Variants in OR2L13 observed in about 807,000 individuals in gnomAD.
The protein encoded by OR2L13 is olfactory receptor 2L13.
A neutral mutation model predicts 15.3 loss-of-function variants in OR2L13; 14 were observed. The observed-to-expected ratio is 0.91, with a 90% confidence interval of 0.60 to 1.43. The LOEUF (loss-of-function observed/expected upper bound fraction) is 1.43. Ranked by LOEUF, OR2L13 falls within the 40% of genes most tolerant of loss-of-function variation. The pLI is 0.00. For missense variants in OR2L13, 367 were observed against 387.9 expected, an observed-to-expected ratio of 0.95 and a Z score of 0.45; for synonymous variants, 152 against 142.9, an observed-to-expected ratio of 1.06 and a Z score of -0.45.
chr1:247,943,651 A>C, the OR2L13 span, among the ~76,000 whole-genome samples: 1 of 152,078 alleles, frequency 6.6e-6, no homozygotes, highest in Non-Finnish European at 1.5e-5. Flanking sequence ...GCACCTTTTT[A>C]TGTTATGATG....
chr1:248,033,172 C>T, the OR2L13 span, among the ~76,000 whole-genome samples: 1 of 152,134 alleles, frequency 6.6e-6, no homozygotes, highest in Admixed American at 6.6e-5. Context: ...AGAGGCTGTA[C>T]AATTTCATTT....
chr1:247,988,131 T>G, the OR2L13 span, among the ~76,000 whole-genome samples: 1 of 152,194 alleles, frequency 6.6e-6, no homozygotes, highest in Admixed American at 6.5e-5. Context: ...ATATTTCAGT[T>G]CTGAGAATTT....
At chr1:248,061,869 G>T in the OR2L13 span, 1 of 325,732 alleles carries the variant, frequency 3.1e-6, no homozygotes, top group Non-Finnish European at 5.5e-6. Context: ...TGTTGTCAAT[G>T]AGAATTTTTG....
the OR2L13 span, chr1:248,038,199 G>T: frequency 8.7e-7 from 1 of 1,143,910 alleles, no homozygotes; most frequent in Non-Finnish European, 1.3e-6. Context: ...AGCCACTGTG[G>T]ATAAAAGTGA....
At chr1:248,020,962 T>C in the OR2L13 span, among the ~76,000 whole-genome samples, 6 of 151,700 alleles carry the variant, frequency 4.0e-5, no homozygotes, top group Non-Finnish European at 7.4e-5. Context: ...GAAGGAAATA[T>C]AAGTTCCTCC....
chr1:248,097,063 G>A (rs1389461527), upstream of OR2L13, among the ~76,000 whole-genome samples: 3 of 152,234 alleles, frequency 2.0e-5, no homozygotes, highest in East Asian at 5.8e-4. Flanking sequence ...ACCAATCACT[G>A]ATCAATGTTG....
the OR2L13 span, among the ~76,000 whole-genome samples, chr1:247,959,762 C>T: frequency 1.3e-5 from 2 of 152,202 alleles, no homozygotes; most frequent in Admixed American, 6.5e-5. Context: ...GCATTCGTCA[C>T]GTAGTTCTTG....
the OR2L13 span, among the ~76,000 whole-genome samples, chr1:248,025,334 A>G: frequency 1.4e-5 from 2 of 147,892 alleles, no homozygotes. Flanking sequence ...TGCAGCCAAA[A>G]AACACATGAA....
chr1:248,082,997 G>A, the OR2L13 span, among the ~76,000 whole-genome samples: 1 of 152,122 alleles, frequency 6.6e-6, no homozygotes, highest in African/African-American at 2.4e-5. Context: ...GATAAATATT[G>A]CTTAAATGAA....
the OR2L13 span, among the ~76,000 whole-genome samples, chr1:247,937,709 C>A: frequency 0.044 from 6,706 of 152,164 alleles, 514 homozygotes; most frequent in African/African-American, 0.15. Flanking sequence ...TCAGCTGCCG[C>A]TGGGACCCAC....
the OR2L13 span, among the ~76,000 whole-genome samples, chr1:248,017,586 T>A: frequency 6.6e-6 from 1 of 152,204 alleles, no homozygotes; most frequent in Non-Finnish European, 1.5e-5. Flanking sequence ...TGGGAAGTGC[T>A]TCCCCTTTCG....
chr1:248,049,383 C>G, the OR2L13 span, among the ~76,000 whole-genome samples: 2 of 152,204 alleles, frequency 1.3e-5, no homozygotes, highest in Admixed American at 6.5e-5. Flanking sequence ...TCATTTGAAA[C>G]TTGGGCAGCA....
At chr1:247,949,282 T>C in the OR2L13 span, 2 of 1,614,208 alleles carry the variant, frequency 1.2e-6, no homozygotes, top group Non-Finnish European at 1.7e-6. Context: ...GTGTGTGTGC[T>C]GATGATAACA....
At chr1:248,080,681 G>C in the OR2L13 span, among the ~76,000 whole-genome samples, 7 of 152,122 alleles carry the variant, frequency 4.6e-5, no homozygotes, top group Non-Finnish European at 8.8e-5. Context: ...TATCACTGAT[G>C]GGCATTTGTG....
At chr1:248,073,663 T>TAAAAATA in the OR2L13 span, among the ~76,000 whole-genome samples, 2 of 150,392 alleles carry the variant, frequency 1.3e-5, no homozygotes, top group African/African-American at 4.9e-5. Context: ...AAATAAAAAA[T>TAAAAATA]AAAAATAAAA....
At chr1:248,024,841 G>A in the OR2L13 span, among the ~76,000 whole-genome samples, 23 of 152,300 alleles carry the variant, frequency 1.5e-4, no homozygotes, top group Middle Eastern at 6.8e-3. Flanking sequence ...CAGGTAGTGT[G>A]ATGCCCCCAG....
At chr1:247,986,429 C>A in the OR2L13 span, among the ~76,000 whole-genome samples, 1 of 152,004 alleles carries the variant, frequency 6.6e-6, no homozygotes, top group Non-Finnish European at 1.5e-5. Context: ...TGTAGATATG[C>A]GGCATTATTT....
the OR2L13 span, among the ~76,000 whole-genome samples, chr1:248,067,918 T>G: frequency 6.6e-6 from 1 of 152,120 alleles, no homozygotes; most frequent in African/African-American, 2.4e-5. Flanking sequence ...GAGATCAAAC[T>G]GCAAGGTGGC....
the OR2L13 span, among the ~76,000 whole-genome samples, chr1:248,078,081 G>C: frequency 6.6e-6 from 1 of 152,150 alleles, no homozygotes; most frequent in Admixed American, 6.5e-5. Context: ...AATTAAATCT[G>C]TGATAAAATA....
Sources: gnomAD v4.1 joint callset for allele counts (sites outside exome capture counted in the v4.1 genomes callset) on GRCh38, gnomAD v4.1.1 for gene constraint, MANE v1.5 for transcripts, NCBI Gene and HGNC (gene_info 2026-07-23, HGNC 2026-07-21) for gene names.